Variants in RPL26 observed in about 807,000 individuals in gnomAD.
RPL26 encodes ribosomal protein L26.
A neutral mutation model predicts 16.2 loss-of-function variants in RPL26; 1 was observed. That is an observed-to-expected ratio of 0.06 (90% CI 0.02 to 0.29). The LOEUF (loss-of-function observed/expected upper bound fraction) is 0.29, where lower values mean the gene tolerates loss of function less well. Ranked by LOEUF, RPL26 falls within the 10% of genes least tolerant of loss-of-function variation. The pLI, the probability that RPL26 is intolerant of heterozygous loss-of-function variation, is 1.00. For synonymous variants in RPL26, 55 were observed against 62.4 expected, an observed-to-expected ratio of 0.88 and a Z score of 0.56; for missense variants, 102 against 184.3, an observed-to-expected ratio of 0.55 and a Z score of 2.58.
chr17:8,379,772 T>G (rs1484724040), intron 3 of RPL26, 24 bp downstream of exon 3: 8 of 1,607,936 alleles, frequency 5.0e-6, no homozygotes, highest in Non-Finnish European at 5.9e-6. Context: ...TTTCCTTCTC[T>G]CAAGCATTCT....
At chr17:8,382,500 G>T in intron 1 of RPL26, 185 bp from the exon 2 acceptor site, 1 of 545,888 alleles carries the variant, frequency 1.8e-6, no homozygotes. Flanking sequence ...TTTATTTTTT[G>T]TTTTATTCGG....
At chr17:8,378,928 A>G (rs1405384250) in intron 3 of RPL26, among the ~76,000 whole-genome samples, 2 of 152,156 alleles carry the variant, frequency 1.3e-5, no homozygotes, top group African/African-American at 4.8e-5. Flanking sequence ...ATGCACAGGT[A>G]TCTGGAAGAG....
chr17:8,380,036 T>C, intron 2 of RPL26, 100 bp from the exon 3 acceptor site: 1 of 986,370 alleles, frequency 1.0e-6, no homozygotes, highest in Non-Finnish European at 1.5e-6. Context: ...TATCATTATA[T>C]TAAAAGGTTA....
At chr17:8,380,835 C>T (rs1017914256) in intron 2 of RPL26, 1 of 152,230 alleles carries the variant, frequency 6.6e-6, no homozygotes, top group Admixed American at 6.5e-5. Context: ...TTGGGAGGAA[C>T]TTAGTCTACA....
chr17:8,377,823 T>A, intron 3 of RPL26, 131 bp from the exon 4 acceptor site: 1 of 746,880 alleles, frequency 1.3e-6, no homozygotes, highest in Non-Finnish European at 2.0e-6. Context: ...ATTTTAACTT[T>A]TAAAAAACTC....
At chr17:8,383,125 T>C (rs1907510302) in intron 1 of RPL26, 32 bp downstream of exon 1, 1 of 398,518 alleles carries the variant, frequency 2.5e-6, no homozygotes, top group Admixed American at 4.4e-5. Flanking sequence ...GGATGGCTGC[T>C]GATTACACCC....
chr17:8,382,327 G>A lies in RPL26; in HGVS notation c.-5-12C>T. ...AAACTTCATTTTGGCTAAATAAAAA[G>A]TTAAAAAGACTCTTAAATGACCAAA... On this transcript the variant is annotated splice_polypyrimidine_tract_variant and intron_variant, in intron 1 of 3. Coordinates refer to ENST00000648839, the MANE Select transcript of RPL26 (RefSeq NM_000987.5). The A allele has an allele frequency of 6.2e-7, 1 of 1,601,142 alleles. No homozygotes were observed. Among genetic ancestry groups the A allele is most frequent in the Non-Finnish European group, 8.5e-7 (1 of 1,171,642 alleles).
At chr17:8,382,510 G>T in intron 1 of RPL26, 195 bp from the exon 2 acceptor site, 1 of 532,930 alleles carries the variant, frequency 1.9e-6, no homozygotes, top group Non-Finnish European at 3.3e-6. Flanking sequence ...GTTTTATTCG[G>T]GTGTTTTCTG....
At chr17:8,377,726 T>G (rs1258270805) in intron 3 of RPL26, 34 bp from the exon 4 acceptor site, 1 of 1,581,816 alleles carries the variant, frequency 6.3e-7, no homozygotes, top group Non-Finnish European at 8.6e-7. Context: ...ACTCCCAAGC[T>G]TTAAATAATC....
At chr17:8,377,730 A>T (rs369899681) in intron 3 of RPL26, 38 bp from the exon 4 acceptor site, 132 of 1,578,028 alleles carry the variant, frequency 8.4e-5, no homozygotes, top group Non-Finnish European at 1.1e-4. Flanking sequence ...CCAAGCTTTA[A>T]ATAATCACTA....
intron 3 of RPL26, among the ~76,000 whole-genome samples, chr17:8,378,124 A>G (rs11869304): frequency 0.039 from 5,880 of 152,238 alleles, 369 homozygotes; most frequent in African/African-American, 0.13. Context: ...TGAGGTCAGG[A>G]GTTTGAGACC....
At chr17:8,379,571 CA>C in intron 3 of RPL26, 2 of 582,034 alleles carry the variant, frequency 3.4e-6, no homozygotes, top group African/African-American at 1.9e-5. Context: ...AAGACTGTCT[CA>C]AAAACAAACT....
intron 1 of RPL26, 47 bp downstream of exon 1, chr17:8,383,110 A>G (rs2151676288): frequency 2.5e-6 from 1 of 398,660 alleles, no homozygotes; most frequent in South Asian, 1.3e-4. Flanking sequence ...ACCATGCCCA[A>G]GAACGGATGG....
Position 8,382,380 on chromosome 17 carries a change from C to T in RPL26, c.-5-65G>A, listed in dbSNP as rs139231298. On this transcript the variant is annotated intron_variant, in intron 1 of 3. Coordinates refer to ENST00000648839, the MANE Select transcript of RPL26 (RefSeq NM_000987.5). ...CTCATCCAGCTTCCAAACAAATAACCGCAATGATTTTATCTTGATAGTCTA... is the reference window on the plus strand; with the variant it reads ...CTCATCCAGCTTCCAAACAAATAACTGCAATGATTTTATCTTGATAGTCTA... 2.1e-4 allele frequency: 250 copies of T among 1,171,792 alleles called. No individual in the cohort carries two copies. The African/African-American group carries it at 3.5e-3, about 16-fold the overall frequency. 72.6% of individuals were successfully genotyped at this position (1,171,792 alleles called of 1,614,324 possible).
chr17:8,377,862 G>T, intron 3 of RPL26, 170 bp from the exon 4 acceptor site: 1 of 541,932 alleles, frequency 1.8e-6, no homozygotes, highest in Non-Finnish European at 3.1e-6. Context: ...CATCAAACCT[G>T]GCTTATTTAC....
chr17:8,382,285 G>T lies in RPL26; in HGVS notation c.26C>A (p.Ser9Tyr). 6.2e-7 allele frequency: 1 copy of T among 1,613,730 alleles called. No homozygotes were observed. The highest frequency in any genetic ancestry group is 8.5e-7 in the Non-Finnish European group (1 of 1,179,696). Residue 9 changes from serine to tyrosine, a missense_variant, in exon 2 of 4, where the codon TCC becomes TAC. Coordinates refer to ENST00000648839, the MANE Select transcript of RPL26 (RefSeq NM_000987.5). Reference protein sequence around the residue: MKFNPFVTSDRSKNRKRHF... With the variant: MKFNPFVTYDRSKNRKRHF... ...CCTTTTGCGATTCTTGCTTCGGTCGGAAGTCACAAAGGGATTAAACTTCAT... is the reference window on the plus strand; with the variant it reads ...CCTTTTGCGATTCTTGCTTCGGTCGTAAGTCACAAAGGGATTAAACTTCAT...
intron 3 of RPL26, among the ~76,000 whole-genome samples, chr17:8,378,926 G>C (rs1176238716): frequency 6.6e-6 from 1 of 152,106 alleles, no homozygotes; most frequent in Non-Finnish European, 1.5e-5. Context: ...CTATGCACAG[G>C]TATCTGGAAG....
chr17:8,378,525 A>G (rs552941547), intron 3 of RPL26, among the ~76,000 whole-genome samples: 2 of 143,942 alleles, frequency 1.4e-5, no homozygotes, highest in East Asian at 4.0e-4. Flanking sequence ...AAACAGAAAA[A>G]TAATAAAGTA....
At chr17:8,382,382 C>A in intron 1 of RPL26, 67 bp from the exon 2 acceptor site, 1 of 1,153,364 alleles carries the variant, frequency 8.7e-7, no homozygotes. Context: ...CAAATAACCG[C>A]AATGATTTTA....
Sources: gnomAD v4.1 joint callset for allele counts (sites outside exome capture counted in the v4.1 genomes callset) on GRCh38, gnomAD v4.1.1 for gene constraint, MANE v1.5 for transcripts, NCBI Gene and HGNC (gene_info 2026-07-23, HGNC 2026-07-21) for gene names.